ZNF398: variants seen among roughly 807,000 people sequenced by gnomAD.
ZNF398 encodes zinc finger DNA binding protein ZER6.
In ZNF398, 18 loss-of-function variants were observed where a neutral mutation model predicts 41.9. The ratio of observed to expected loss-of-function variants is 0.43; its 90% CI spans 0.30 to 0.64. The LOEUF is 0.64. ZNF398 is among the 30% of genes least tolerant of loss of function. The probability of loss-of-function intolerance (pLI) is 0.14; values close to 1 mark genes in which losing one functional copy is unlikely to be tolerated. For missense variants in ZNF398, 669 were observed against 822.8 expected (o/e 0.81, Z 2.29); for synonymous variants, 260 against 308.8 (o/e 0.84, Z 1.66).
At chr7:149,176,425 T>G (rs781580395) in intron 4 of ZNF398, 43 bp from the exon 5 acceptor site, 1 of 1,294,006 alleles carries the variant, frequency 7.7e-7, no homozygotes, top group Non-Finnish European at 1.1e-6. Context: ...TACCTTCTTA[T>G]TCAAGTTCAT....
chr7:149,136,421 TC>T (rs1348613995), intron 2 of ZNF398, among the ~76,000 whole-genome samples: 2 of 152,194 alleles, frequency 1.3e-5, no homozygotes, highest in Non-Finnish European at 2.9e-5. Flanking sequence ...GCTCCTCACT[TC>T]CCAGTTTAAA....
At chr7:149,149,400 CT>C (rs1021307143) in intron 1 of ZNF398, among the ~76,000 whole-genome samples, 2 of 151,892 alleles carry the variant, frequency 1.3e-5, no homozygotes, top group Non-Finnish European at 2.9e-5. Flanking sequence ...CGCCCGGGTC[CT>C]TTTGTATTTT....
chr7:149,154,373 C>G (rs1407400446), intron 2 of ZNF398, 33 bp downstream of exon 2: 1 of 1,550,662 alleles, frequency 6.4e-7, no homozygotes, highest in African/African-American at 1.4e-5. Context: ...TAAAGTGGTA[C>G]CACTAGAACT....
At chr7:149,170,106 AC>A (rs1370420638) in intron 4 of ZNF398, among the ~76,000 whole-genome samples, 1 of 152,188 alleles carries the variant, frequency 6.6e-6, no homozygotes, top group Non-Finnish European at 1.5e-5. Flanking sequence ...TCTAGCACTT[AC>A]CCAAATTCCA....
intron 1 of ZNF398, chr7:149,148,494 C>A: frequency 6.1e-6 from 6 of 985,628 alleles, no homozygotes; most frequent in Non-Finnish European, 7.2e-6. Context: ...CTTTGGTCAC[C>A]TCTAGGAGAG....
intron 1 of ZNF398, among the ~76,000 whole-genome samples, chr7:149,152,596 T>C (rs1378942083): frequency 6.6e-6 from 1 of 151,090 alleles, no homozygotes; most frequent in Admixed American, 6.6e-5. Flanking sequence ...GACGGAGTTT[T>C]GCTCTTATTG....
rs1795626340 is a variant in ZNF398 at position 149,182,956 on chromosome 7, C to A, written c.*3155C>A. Among the ~76,000 whole-genome samples the A allele has an allele frequency of 6.7e-6, 1 of 149,740 alleles. No homozygotes were observed. The highest frequency in any genetic ancestry group is 1.5e-5 in the Non-Finnish European group (1 of 67,784). ...CATATCTGAGAAGTGATGTTCATGT[C>A]TATCTCAACCAGGACCAGACCCTGT... On this transcript the variant is annotated 3_prime_UTR_variant, in exon 6 of 6. Coordinates refer to ENST00000475153, the MANE Select transcript of ZNF398 (RefSeq NM_170686.3).
At chr7:149,149,624 G>A (rs966670621) in intron 1 of ZNF398, among the ~76,000 whole-genome samples, 3 of 152,032 alleles carry the variant, frequency 2.0e-5, no homozygotes, top group Non-Finnish European at 4.4e-5. Flanking sequence ...GACAGCTTTA[G>A]CCCAGGAGTT....
chr7:149,130,646 T>C (rs1465148025), intron 2 of ZNF398, among the ~76,000 whole-genome samples: 3 of 152,174 alleles, frequency 2.0e-5, no homozygotes, highest in Admixed American at 2.0e-4. Flanking sequence ...ATTTTTAGCA[T>C]TTAAAAAAAC....
intron 1 of ZNF398, 70 bp from the exon 2 acceptor site, chr7:149,153,875 C>T: frequency 6.6e-7 from 1 of 1,518,774 alleles, no homozygotes; most frequent in East Asian, 2.3e-5. Flanking sequence ...CAGTCCTTAT[C>T]TGATTTTAGT....
chr7:149,172,927 A>T (rs1563165555), intron 4 of ZNF398, among the ~76,000 whole-genome samples: 3 of 152,144 alleles, frequency 2.0e-5, no homozygotes, highest in Non-Finnish European at 4.4e-5. Flanking sequence ...GTCTAAAAAA[A>T]CAATGTACAT....
intron 2 of ZNF398, among the ~76,000 whole-genome samples, chr7:149,133,693 G>GTGTA (rs1554459638): frequency 4.7e-5 from 2 of 42,164 alleles, no homozygotes; most frequent in African/African-American, 1.3e-4. Context: ...ATATATGTGT[G>GTGTA]TATATATATA....
At chr7:149,145,110 A>G (rs945073394), upstream of ZNF398, among the ~76,000 whole-genome samples, 3 of 152,188 alleles carry the variant, frequency 2.0e-5, no homozygotes, top group African/African-American at 7.2e-5. Context: ...TCTGCTCAAG[A>G]GCAGTTGCCC....
intron 2 of ZNF398, among the ~76,000 whole-genome samples, chr7:149,156,242 C>A (rs1015758573): frequency 6.6e-6 from 1 of 151,796 alleles, no homozygotes; most frequent in East Asian, 1.9e-4. Flanking sequence ...TGCATTGGCT[C>A]ACGCCTGTAA....
chr7:149,145,728 CCCCAAATT>C (rs1372441607), upstream of ZNF398, among the ~76,000 whole-genome samples: 1 of 152,150 alleles, frequency 6.6e-6, no homozygotes, highest in African/African-American at 2.4e-5. Context: ...CAAACTCTAA[CCCCAAATT>C]CCCAAATTCC....
intron 2 of ZNF398, among the ~76,000 whole-genome samples, chr7:149,135,270 G>T (rs992225048): frequency 8.6e-5 from 13 of 151,114 alleles, no homozygotes; most frequent in African/African-American, 2.9e-4. Context: ...GGTGCCCGTA[G>T]TCCCAGCTAC....
At chr7:149,164,279 C>T (rs898919985) in intron 2 of ZNF398, among the ~76,000 whole-genome samples, 24 of 151,378 alleles carry the variant, frequency 1.6e-4, no homozygotes, top group Admixed American at 4.0e-4. Context: ...TGGTGGTGGG[C>T]GCCTGTAGTC....
At chr7:149,137,976 G>C (rs545123970) in intron 2 of ZNF398, among the ~76,000 whole-genome samples, 3 of 151,950 alleles carry the variant, frequency 2.0e-5, no homozygotes, top group African/African-American at 7.2e-5. Flanking sequence ...GAGGCGGGCG[G>C]ATCACCTGAG....
chr7:149,176,070 A>C (rs1008884707), intron 4 of ZNF398, among the ~76,000 whole-genome samples: 8 of 152,090 alleles, frequency 5.3e-5, no homozygotes, highest in African/African-American at 1.7e-4. Context: ...CGGTGGCTCA[A>C]GCCTGTAATC....
Sources: allele counts gnomAD v4.1 joint callset (sites outside exome capture counted in the v4.1 genomes callset), GRCh38; gene constraint gnomAD v4.1.1; transcripts MANE v1.5; gene names NCBI Gene and HGNC (gene_info 2026-07-23, HGNC 2026-07-21).